The following IGF1R variants were observed in gnomAD, a reference collection of about 807,000 sequenced individuals.
The protein encoded by IGF1R is insulin-like growth factor 1 receptor.
In IGF1R, 44 loss-of-function variants were observed where a neutral mutation model predicts 144.6. That is an observed-to-expected ratio of 0.30 (90% CI 0.24 to 0.39). The LOEUF (loss-of-function observed/expected upper bound fraction) is 0.39. Ranked by LOEUF, IGF1R falls within the 10% of genes least tolerant of loss-of-function variation. IGF1R has a pLI of 1.00. For synonymous variants in IGF1R, 795 were observed against 722.8 expected, an observed-to-expected ratio of 1.10 and a Z score of -1.60; for missense variants, 1,355 against 1,833.7, an observed-to-expected ratio of 0.74 and a Z score of 4.77.
At chr15:98,859,333 A>C (rs1328313154) in intron 2 of IGF1R, among the ~76,000 whole-genome samples, 1 of 152,204 alleles carries the variant, frequency 6.6e-6, no homozygotes, top group African/African-American at 2.4e-5. Context: ...TAAATTGTCT[A>C]CCTCACACAC....
At chr15:98,661,480 A>C (rs2052597016) in intron 1 of IGF1R, among the ~76,000 whole-genome samples, 1 of 152,234 alleles carries the variant, frequency 6.6e-6, no homozygotes, top group Non-Finnish European at 1.5e-5. Flanking sequence ...TAATCATTTG[A>C]AGCTGGAATG....
chr15:98,895,020 C>T (rs953563372), intron 3 of IGF1R, among the ~76,000 whole-genome samples: 5 of 112,520 alleles, frequency 4.4e-5, no homozygotes, highest in Non-Finnish European at 9.3e-5. Flanking sequence ...GACCCTGTCT[C>T]AAAAAAAAAA....
rs1265911499 is a variant in IGF1R at position 98,959,879 on chromosome 15, G to A, written c.*2437G>A. On this transcript the variant is annotated 3_prime_UTR_variant, in exon 21 of 21. Transcript: ENST00000650285. ...TAAAAAAAAAAAAAAGGTATTATAT[G>A]TAGGAGTTTTCTTTTAATTTATTTT... The A allele has an allele frequency of 1.3e-5, 3 of 230,506 alleles. No homozygotes were observed. Among genetic ancestry groups the A allele is most frequent in the African/African-American group, 2.2e-5 (1 of 44,758 alleles). 14.3% of individuals were successfully genotyped at this position (230,506 alleles called of 1,614,324 possible).
intron 2 of IGF1R, among the ~76,000 whole-genome samples, chr15:98,831,797 C>T (rs1043350051): frequency 1.3e-5 from 2 of 152,142 alleles, no homozygotes; most frequent in African/African-American, 2.4e-5. Context: ...AATTTGAACA[C>T]GCTCCAGAGG....
intron 2 of IGF1R, among the ~76,000 whole-genome samples, chr15:98,844,231 A>G (rs906055847): frequency 1.3e-5 from 2 of 152,238 alleles, no homozygotes; most frequent in Non-Finnish European, 2.9e-5. Flanking sequence ...AAAGAAAAGC[A>G]AAGGAAATTC....
chr15:98,687,507 A>G (rs1029810136), intron 1 of IGF1R, among the ~76,000 whole-genome samples: 5 of 152,212 alleles, frequency 3.3e-5, no homozygotes, highest in Non-Finnish European at 7.3e-5. Context: ...GGCCATTTCA[A>G]GGAGGTTGGA....
chr15:98,877,663 G>C (rs1185005775), intron 2 of IGF1R, among the ~76,000 whole-genome samples: 2 of 152,058 alleles, frequency 1.3e-5, no homozygotes, highest in African/African-American at 4.8e-5. Flanking sequence ...AGCGTTGGAG[G>C]AGCTGTTCTT....
intron 1 of IGF1R, among the ~76,000 whole-genome samples, chr15:98,657,426 A>T (rs903743517): frequency 1.3e-5 from 2 of 152,242 alleles, no homozygotes; most frequent in African/African-American, 2.4e-5. Context: ...AGTTGTGTCC[A>T]CATTTATCTG....
chr15:98,819,020 G>A (rs2141474391), intron 2 of IGF1R, among the ~76,000 whole-genome samples: 2 of 152,286 alleles, frequency 1.3e-5, no homozygotes, highest in Middle Eastern at 6.8e-3. Flanking sequence ...AAAGGAGTGG[G>A]GAGGGAGGAG....
intron 1 of IGF1R, among the ~76,000 whole-genome samples, chr15:98,658,509 A>G (rs2052534145): frequency 1.3e-5 from 2 of 152,240 alleles, no homozygotes; most frequent in Admixed American, 1.3e-4. Flanking sequence ...GTGAGGAAAT[A>G]GAATAGGTTT....
At chr15:98,713,406 G>T (rs557887599) in intron 2 of IGF1R, among the ~76,000 whole-genome samples, 1 of 142,436 alleles carries the variant, frequency 7.0e-6, no homozygotes, top group African/African-American at 2.6e-5. Context: ...TGTTTACTGT[G>T]TCATTGTTGC....
At chr15:98,773,954 C>A (rs2055651563) in intron 2 of IGF1R, among the ~76,000 whole-genome samples, 1 of 152,220 alleles carries the variant, frequency 6.6e-6, no homozygotes, top group Admixed American at 6.5e-5. Flanking sequence ...TGAAACCTAC[C>A]CTATTTTTGT....
intron 2 of IGF1R, among the ~76,000 whole-genome samples, chr15:98,887,644 A>G (rs1026186648): frequency 4.6e-5 from 7 of 152,358 alleles, no homozygotes; most frequent in African/African-American, 1.7e-4. Flanking sequence ...CGGTGCTCCA[A>G]GATGGGTGTA....
intron 2 of IGF1R, among the ~76,000 whole-genome samples, chr15:98,794,517 C>G (rs1178763023): frequency 5.3e-5 from 8 of 152,036 alleles, no homozygotes; most frequent in Admixed American, 1.3e-4. Context: ...CAGGATGGCC[C>G]CATTTCTGTT....
rs187108709 is a variant in IGF1R, at chr15:98,875,048, A to T, written c.641-16277A>T. 1.8e-3 allele frequency among the ~76,000 whole-genome samples: 271 copies of T among 152,314 alleles called. 2 individuals are homozygous for T. The highest frequency in any genetic ancestry group is 5.5e-3 in the African/African-American group (230 of 41,562). ...ACTTGTTCTCTGTGAGTAAAACACAAACACATCCTCAGGGATGTTGCACAC... is the reference window on the plus strand; with the variant it reads ...ACTTGTTCTCTGTGAGTAAAACACATACACATCCTCAGGGATGTTGCACAC... On this transcript the variant is annotated intron_variant, in intron 2 of 20. Transcript: ENST00000650285.
At chr15:98,922,517 CCA>C (rs2015532484) in intron 11 of IGF1R, 86 bp downstream of exon 11, 1 of 1,512,852 alleles carries the variant, frequency 6.6e-7, no homozygotes, top group Non-Finnish European at 9.1e-7. Context: ...GGTCTGACAC[CCA>C]GGGCCATGAC....
Position 98,830,605 on chromosome 15 carries a change from C to CTTTTTTTTTTT in IGF1R, c.641-60713_641-60703dup, listed in dbSNP as rs60426791. On this transcript the variant is annotated intron_variant, in intron 2 of 20. Transcript: ENST00000650285. ...CATGGTTCCAACATCTGATCATCAT[C>CTTTTTTTTTTT]TTTTTTTTTTTTTTTTTAGATGGAG... 1.3e-4 allele frequency among the ~76,000 whole-genome samples: 18 copies of CTTTTTTTTTTT among 135,944 alleles called. 1 individual carries two copies. The highest frequency in any genetic ancestry group is 5.1e-4 in the African/African-American group (18 of 35,356). 89.2% of individuals were successfully genotyped at this position (135,944 alleles called of 152,430 possible).
At chr15:98,801,533 C>G (rs1054977719) in intron 2 of IGF1R, among the ~76,000 whole-genome samples, 1 of 152,202 alleles carries the variant, frequency 6.6e-6, no homozygotes, top group African/African-American at 2.4e-5. Context: ...CCGGAAGAGG[C>G]CTTTCCTTGA....
intron 2 of IGF1R, among the ~76,000 whole-genome samples, chr15:98,811,403 G>A (rs181028849): frequency 0.036 from 5,494 of 150,810 alleles, 181 homozygotes; most frequent in South Asian, 0.091. Context: ...GGTTGCGGGC[G>A]CCTGTAGTCC....
Sources: allele counts gnomAD v4.1 joint callset (sites outside exome capture counted in the v4.1 genomes callset), GRCh38; gene constraint gnomAD v4.1.1; transcripts MANE v1.5; gene names NCBI Gene and HGNC (gene_info 2026-07-23, HGNC 2026-07-21).